The following ERMP1 variants were observed in gnomAD, a reference collection of about 807,000 sequenced individuals.
ERMP1 encodes Felix-ina.
Under a neutral mutation model 92.0 loss-of-function variants are expected in ERMP1, and 86 were observed. That is an observed-to-expected ratio of 0.93 (90% CI 0.79 to 1.12). The LOEUF (loss-of-function observed/expected upper bound fraction) is 1.12. ERMP1 is among the 50% of genes most tolerant of loss of function. ERMP1 has a pLI of 0.00. For synonymous variants in ERMP1, 530 were observed against 412.8 expected, an observed-to-expected ratio of 1.28 and a Z score of -3.44; for missense variants, 1,342 against 1,116.3, an observed-to-expected ratio of 1.20 and a Z score of -2.88.
At position 5,865,519 on chromosome 9, in the gene ERMP1, AT is replaced by A. The variant is rs1422911338; in HGVS notation, n.3055+2282del. ...CAAGACTCCATCTCAAAAAATAATA[AT>A]AATAATAATAATAATAATAATTTAT... is the stretch of plus-strand genomic sequence containing the variant. On this transcript the variant is annotated intron_variant and non_coding_transcript_variant, in intron 5 of 6. Transcript: ENST00000690753. 5.5e-3 allele frequency among the ~76,000 whole-genome samples: 769 copies of A among 141,032 alleles called. 1 individual carries two copies. Among genetic ancestry groups the A allele is most frequent in the South Asian group, 7.7e-3 (34 of 4,428 alleles). 92.5% of individuals were successfully genotyped at this position (141,032 alleles called of 152,430 possible).
At chr9:5,842,560 T>C (rs1049409349) in intron 6 of ERMP1, among the ~76,000 whole-genome samples, 1 of 152,170 alleles carries the variant, frequency 6.6e-6, no homozygotes, top group Non-Finnish European at 1.5e-5. Context: ...TTAAAACAAT[T>C]TTATATTATG....
chr9:5,820,536 T>A (rs540949863), intron 4 of ERMP1, among the ~76,000 whole-genome samples: 3 of 152,304 alleles, frequency 2.0e-5, no homozygotes, highest in African/African-American at 4.8e-5. Context: ...CTCTCACTCA[T>A]GAAATGAGGT....
chr9:5,816,766 A>G (rs967153358), intron 4 of ERMP1, among the ~76,000 whole-genome samples: 1 of 152,242 alleles, frequency 6.6e-6, no homozygotes. Context: ...TCGGCAAGAA[A>G]AAAGAATGAA....
At chr9:5,839,993 G>A (rs1397737901) in intron 6 of ERMP1, among the ~76,000 whole-genome samples, 1 of 152,204 alleles carries the variant, frequency 6.6e-6, no homozygotes, top group Non-Finnish European at 1.5e-5. Context: ...TGTAATCTCA[G>A]CACTTTGGGA....
In ERMP1 at chr9:5,822,910, T is replaced by C. The variant is rs142728472; in HGVS notation, c.874+986A>G. Reference sequence around the variant, plus strand: ...CAGTAGGATATAAATAACTCCCACATGCTTAGCGTTCCAATAATGGAACAC... The same window carrying C: ...CAGTAGGATATAAATAACTCCCACACGCTTAGCGTTCCAATAATGGAACAC... On this transcript the variant is annotated intron_variant, in intron 4 of 14. Coordinates refer to ENST00000339450, the MANE Select transcript of ERMP1 (RefSeq NM_024896.3). Among the ~76,000 whole-genome samples, 1,367 of 152,330 alleles carry C rather than the reference T, an allele frequency of 9.0e-3. 26 individuals carry two copies. Among genetic ancestry groups the C allele is most frequent in the African/African-American group, 0.031 (1,272 of 41,566 alleles).
intron 3 of ERMP1, 58 bp from the exon 4 acceptor site, chr9:5,824,059 G>A: frequency 7.0e-7 from 1 of 1,422,680 alleles, no homozygotes; most frequent in Non-Finnish European, 9.8e-7. Flanking sequence ...TATCAGTCTT[G>A]ATTTTGCTTA....
In ERMP1 at chr9:5,832,994, G is replaced by A; in HGVS notation, c.34C>T (p.Arg12Trp). 4 of 1,557,772 alleles carry A rather than the reference G, an allele frequency of 2.6e-6. No homozygotes were observed. Among genetic ancestry groups the A allele is most frequent in the East Asian group, 2.5e-5 (1 of 39,832 alleles). The part of the protein sequence containing the change: ...EWGSESAAVR[R>W]HRVGVERREG... ...CGACGCTCTACTCCGACGCGGTGCC[G>A]CCTCACAGCAGCCGACTCAGAACCC... Residue 12 changes from arginine (R) to tryptophan (W), a missense_variant, in exon 1 of 15, where the codon CGG becomes TGG. Physicochemically the swap from Arg to Trp is moderately radical, Grantham distance 101. Coordinates refer to ENST00000339450, the MANE Select transcript of ERMP1 (RefSeq NM_024896.3).
intron 6 of ERMP1, among the ~76,000 whole-genome samples, chr9:5,856,666 T>C (rs1241135113): frequency 6.6e-6 from 1 of 152,188 alleles, no homozygotes; most frequent in East Asian, 1.9e-4. Flanking sequence ...AACACTGAAT[T>C]AGCAAATACT....
chr9:5,848,317 G>A (rs984773095), intron 6 of ERMP1, among the ~76,000 whole-genome samples: 1 of 152,166 alleles, frequency 6.6e-6, no homozygotes, highest in Non-Finnish European at 1.5e-5. Context: ...GAGGAGGTCG[G>A]AGTGGCCACG....
In ERMP1 at chr9:5,832,176, A is replaced by G. The variant is rs73390188; in HGVS notation, c.338+514T>C. 6.2e-3 allele frequency among the ~76,000 whole-genome samples: 941 copies of G among 152,226 alleles called. 9 individuals carry two copies. Among genetic ancestry groups the G allele is most frequent in the African/African-American group, 0.021 (882 of 41,532 alleles). ...GGGATCTGAGAATTTATCAGACTGC[A>G]TACCAAATTTTGACTGGGCGGTGTT... On this transcript the variant is annotated intron_variant, in intron 1 of 14. Coordinates refer to ENST00000339450, the MANE Select transcript of ERMP1 (RefSeq NM_024896.3).
Position 5,833,077 on chromosome 9 carries a change from C to T in ERMP1, c.-50G>A. The T allele has an allele frequency of 2.2e-6, 3 of 1,384,690 alleles. No homozygotes were observed. The highest frequency in any genetic ancestry group is 1.6e-5 in the South Asian group (1 of 61,180). 85.8% of individuals were successfully genotyped at this position (1,384,690 alleles called of 1,614,324 possible). On this transcript the variant is annotated 5_prime_UTR_variant, in exon 1 of 15. Transcript: ENST00000339450. ...CAACCGCCCCAACCCGCGACAGCCC[C>T]GGCCGCCGCCGACGCCGCCGTCGCT...
At chr9:5,859,951 T>G (rs1403860707) in intron 5 of ERMP1, among the ~76,000 whole-genome samples, 1 of 152,164 alleles carries the variant, frequency 6.6e-6, no homozygotes, top group Non-Finnish European at 1.5e-5. Flanking sequence ...TACCAGAATT[T>G]TTAATATCTT....
chr9:5,850,442 A>AAG lies in ERMP1; in HGVS notation n.3199+9025_3199+9026insCT, dbSNP rs1554628972. ...AAAAAAAAAAAAAGAAGAAGAAGAA[A>AAG]AAAAGAAATAGAAAATTCCCTGGCC... On this transcript the variant is annotated intron_variant and non_coding_transcript_variant, in intron 6 of 6. Transcript: ENST00000690753. Among the ~76,000 whole-genome samples the AAG allele has an allele frequency of 1.7e-3, 256 of 147,014 alleles. 10 individuals carry two copies. Among genetic ancestry groups the AAG allele is most frequent in the South Asian group, 2.4e-3 (11 of 4,612 alleles).
At chr9:5,835,903 C>T (rs1279825387), upstream of ERMP1, among the ~76,000 whole-genome samples, 1 of 152,202 alleles carries the variant, frequency 6.6e-6, no homozygotes, top group Non-Finnish European at 1.5e-5. Context: ...AAGTAGACCA[C>T]AGTGAATTGG....
At chr9:5,842,434 C>CAAAAAAAAAAAAAAAGAAAGAAAAAAAAA (rs1830177504) in intron 6 of ERMP1, among the ~76,000 whole-genome samples, 1 of 107,898 alleles carries the variant, frequency 9.3e-6, no homozygotes, top group African/African-American at 3.4e-5. Context: ...GAGACTGTCT[C>CAAAAAAAAAAAAAAAGAAAGAAAAAAAAA]AAAAAAAAAA....
rs575615783 is a variant in ERMP1 at position 5,865,705 on chromosome 9, G to C, written n.3055+2097C>G. On this transcript the variant is annotated intron_variant and non_coding_transcript_variant, in intron 5 of 6. Transcript: ENST00000690753. ...ATACAAAAATTAGCTGGGCGTGGTGGTGCACGCCTGTAATCCCAGCTACTC... is the reference window on the plus strand; with the variant it reads ...ATACAAAAATTAGCTGGGCGTGGTGCTGCACGCCTGTAATCCCAGCTACTC... 1.1e-4 allele frequency among the ~76,000 whole-genome samples: 17 copies of C among 149,788 alleles called. No homozygotes were observed. In the South Asian group the frequency reaches 3.4e-3, roughly 30 times the overall value.
chr9:5,829,380 A>T (rs1288062204), intron 2 of ERMP1, among the ~76,000 whole-genome samples: 1 of 152,212 alleles, frequency 6.6e-6, no homozygotes, highest in African/African-American at 2.4e-5. Flanking sequence ...TCTAATATGA[A>T]TCATTTTATC....
chr9:5,790,147 T>C (rs1254197522), intron 13 of ERMP1, among the ~76,000 whole-genome samples: 6 of 151,680 alleles, frequency 4.0e-5, no homozygotes, highest in African/African-American at 9.7e-5. Flanking sequence ...TATGGGTTAA[T>C]TGGTGGGAGT....
At chr9:5,860,892 C>A (rs1000520116) in intron 5 of ERMP1, among the ~76,000 whole-genome samples, 1 of 152,136 alleles carries the variant, frequency 6.6e-6, no homozygotes, top group Non-Finnish European at 1.5e-5. Context: ...ATAAAAGGGT[C>A]ATTTCACTGT....
Sources: allele counts gnomAD v4.1 joint callset (sites outside exome capture counted in the v4.1 genomes callset), GRCh38; gene constraint gnomAD v4.1.1; transcripts MANE v1.5; gene names NCBI Gene and HGNC (gene_info 2026-07-23, HGNC 2026-07-21).